NRG3: variants seen among roughly 807,000 people sequenced by gnomAD.
The protein encoded by NRG3 is pro-neuregulin-3, membrane-bound isoform.
In NRG3, 31 loss-of-function variants were observed where a neutral mutation model predicts 66.9. The observed-to-expected ratio is 0.46, with a 90% confidence interval of 0.35 to 0.63. NRG3 has a LOEUF of 0.63. Among genes scored for constraint, NRG3 ranks in the 20% least tolerant of loss-of-function variants. The probability of loss-of-function intolerance (pLI) is 0.00; values close to 1 mark genes in which losing one functional copy is unlikely to be tolerated. For missense variants in NRG3, 910 were observed against 878.9 expected, an observed-to-expected ratio of 1.04 and a Z score of -0.45; for synonymous variants, 393 against 359.4, an observed-to-expected ratio of 1.09 and a Z score of -1.06.
At chr10:82,105,155 A>C in intron 1 of NRG3, among the ~76,000 whole-genome samples, 1 of 152,300 alleles carries the variant, frequency 6.6e-6, no homozygotes, top group Middle Eastern at 3.4e-3. Flanking sequence ...GTTATTAAAA[A>C]GTATTGGAGC....
At chr10:82,663,984 C>A (rs148273227) in intron 2 of NRG3, among the ~76,000 whole-genome samples, 284 of 152,288 alleles carry the variant, frequency 1.9e-3, no homozygotes, top group African/African-American at 6.5e-3. Context: ...ACGAACTGGG[C>A]AGCCTTATTA....
At chr10:82,510,759 C>T (rs933492348) in intron 2 of NRG3, among the ~76,000 whole-genome samples, 6 of 152,260 alleles carry the variant, frequency 3.9e-5, no homozygotes, top group African/African-American at 1.4e-4. Flanking sequence ...ACTTCCCTTT[C>T]ACCATTTGCC....
chr10:82,398,716 T>G (rs746227874), intron 2 of NRG3, among the ~76,000 whole-genome samples: 1 of 152,106 alleles, frequency 6.6e-6, no homozygotes, highest in Non-Finnish European at 1.5e-5. Context: ...TGCACATTTA[T>G]AGCAAAGCAA....
intron 1 of NRG3, among the ~76,000 whole-genome samples, chr10:82,253,814 G>A (rs2077591402): frequency 6.6e-6 from 1 of 152,158 alleles, no homozygotes; most frequent in Non-Finnish European, 1.5e-5. Context: ...TCATCTGGCT[G>A]TGCCTAAACC....
At chr10:82,943,413 C>T (rs1848738156) in intron 4 of NRG3, among the ~76,000 whole-genome samples, 1 of 152,074 alleles carries the variant, frequency 6.6e-6, no homozygotes, top group African/African-American at 2.4e-5. Context: ...ATGGCTCAAT[C>T]CAAGTTCAAA....
chr10:82,552,195 C>T (rs2044357410), intron 2 of NRG3, among the ~76,000 whole-genome samples: 1 of 151,906 alleles, frequency 6.6e-6, no homozygotes. Context: ...TGAAATAATT[C>T]TGTAGGAATC....
chr10:82,858,169 C>A (rs1303492529), intron 3 of NRG3, among the ~76,000 whole-genome samples: 1 of 152,170 alleles, frequency 6.6e-6, no homozygotes, highest in Non-Finnish European at 1.5e-5. Flanking sequence ...CTTTGTTGAA[C>A]CCTATTCCGC....
Position 82,802,938 on chromosome 10 carries a change from T to C in NRG3, c.1028-62473T>C, listed in dbSNP as rs1398700902. Among the ~76,000 whole-genome samples the C allele has an allele frequency of 2.0e-5, 3 of 152,142 alleles. No individual in the cohort carries two copies. In the South Asian group the frequency reaches 6.2e-4, roughly 32 times the overall value. On this transcript the variant is annotated intron_variant, in intron 3 of 8. Coordinates refer to ENST00000372141, the MANE Select transcript of NRG3 (RefSeq NM_001010848.4). ...GATTCACCTGTCTTGGCTCCCAGAGTGTTGGGATTACAGATGTAAACATCG... is the reference window on the plus strand; with the variant it reads ...GATTCACCTGTCTTGGCTCCCAGAGCGTTGGGATTACAGATGTAAACATCG...
At chr10:82,567,194 C>G (rs977306828) in intron 2 of NRG3, among the ~76,000 whole-genome samples, 4 of 151,934 alleles carry the variant, frequency 2.6e-5, no homozygotes, top group African/African-American at 9.7e-5. Context: ...TTATACTTAG[C>G]TCCCATTCTG....
intron 1 of NRG3, among the ~76,000 whole-genome samples, chr10:82,143,269 G>T (rs886248965): frequency 6.6e-6 from 1 of 152,134 alleles, no homozygotes; most frequent in African/African-American, 2.4e-5. Context: ...GAGACTAAAT[G>T]CACATAAGTT....
At chr10:82,136,847 G>A in intron 1 of NRG3, among the ~76,000 whole-genome samples, 1 of 152,180 alleles carries the variant, frequency 6.6e-6, no homozygotes, top group Non-Finnish European at 1.5e-5. Context: ...CTGACAGACA[G>A]CATCAAGTTC....
Position 82,096,461 on chromosome 10 carries a change from C to T in NRG3, c.823+220298C>T, listed in dbSNP as rs1211372971. Among the ~76,000 whole-genome samples the T allele has an allele frequency of 6.6e-5, 10 of 151,564 alleles. No homozygotes were observed. In the East Asian group the frequency reaches 1.6e-3, roughly 24 times the overall value. On this transcript the variant is annotated intron_variant, in intron 1 of 8. Coordinates refer to ENST00000372141, the MANE Select transcript of NRG3 (RefSeq NM_001010848.4). The stretch of plus-strand genomic sequence containing the variant: ...CCTGCACTCCAGCCTGGTGACAGAG[C>T]GAGAGTCTCAAAAAACGAACAAACA...
chr10:82,854,501 C>T (rs975149685), intron 3 of NRG3, among the ~76,000 whole-genome samples: 2 of 152,090 alleles, frequency 1.3e-5, no homozygotes, highest in African/African-American at 4.8e-5. Context: ...TATGAAAGAA[C>T]TTTAAAATGC....
At chr10:82,094,630 GT>G (rs1183761429) in intron 1 of NRG3, among the ~76,000 whole-genome samples, 1 of 152,066 alleles carries the variant, frequency 6.6e-6, no homozygotes, top group Non-Finnish European at 1.5e-5. Context: ...TGTGATGTGT[GT>G]ATATATATCT....
chr10:82,121,346 A>G (rs867950957), intron 1 of NRG3, among the ~76,000 whole-genome samples: 1 of 152,178 alleles, frequency 6.6e-6, no homozygotes, highest in Non-Finnish European at 1.5e-5. Flanking sequence ...TGGATCTGCC[A>G]TTGTACCTGT....
At chr10:82,233,949 G>A (rs12250735) in intron 1 of NRG3, among the ~76,000 whole-genome samples, 59,887 of 151,956 alleles carry the variant, frequency 0.39, 13,600 homozygotes, top group African/African-American at 0.62. Flanking sequence ...CAAGCAAGCC[G>A]CTTTCATCTT....
chr10:82,158,027 G>GT (rs1436322861), intron 1 of NRG3, among the ~76,000 whole-genome samples: 1 of 151,650 alleles, frequency 6.6e-6, no homozygotes, highest in African/African-American at 2.4e-5. Flanking sequence ...ACATACCTTT[G>GT]TGTTCCTTTA....
chr10:82,466,171 C>T (rs1268728794), intron 2 of NRG3, among the ~76,000 whole-genome samples: 4 of 152,062 alleles, frequency 2.6e-5, no homozygotes, highest in African/African-American at 9.7e-5. Flanking sequence ...GACTATTCCT[C>T]CTCTTCTCCT....
chr10:82,601,649 T>C (rs989310005), intron 2 of NRG3, among the ~76,000 whole-genome samples: 3 of 151,836 alleles, frequency 2.0e-5, no homozygotes, highest in African/African-American at 7.3e-5. Context: ...AAGGTATTCA[T>C]TTCATCTTTG....
Sources: gnomAD v4.1 joint callset for allele counts (sites outside exome capture counted in the v4.1 genomes callset) on GRCh38, gnomAD v4.1.1 for gene constraint, MANE v1.5 for transcripts, NCBI Gene and HGNC (gene_info 2026-07-23, HGNC 2026-07-21) for gene names.